COL19A1: variants seen among roughly 807,000 people sequenced by gnomAD.
COL19A1 encodes collagen type XIX alpha 1 chain, also known as collagen alpha-1(XIX) chain.
COL19A1 carries 159 observed loss-of-function variants against 190.2 expected under a neutral mutation model. That is an observed-to-expected ratio of 0.84 (90% confidence interval 0.73 to 0.95). COL19A1 has a LOEUF of 0.95. COL19A1 is among the 40% of genes least tolerant of loss of function. COL19A1 has a pLI of 0.00. For missense variants in COL19A1, 1,418 were observed against 1,431.9 expected (o/e 0.99, Z 0.16); for synonymous variants, 509 against 458.9 (o/e 1.11, Z -1.39).
chr6:70,023,099 T>C (rs991056110), intron 11 of COL19A1, among the ~76,000 whole-genome samples: 4 of 152,016 alleles, frequency 2.6e-5, no homozygotes, highest in African/African-American at 9.7e-5. Flanking sequence ...ATATTCTTGT[T>C]CCATTTTTAT....
intron 7 of COL19A1, 23 bp downstream of exon 7, chr6:69,932,886 T>C (rs1772872026): frequency 6.9e-7 from 1 of 1,448,686 alleles, no homozygotes. Context: ...TCTTTGCATA[T>C]GAAGAATGAA....
chr6:70,091,027 T>C (rs1224324118), intron 15 of COL19A1, among the ~76,000 whole-genome samples: 2 of 152,194 alleles, frequency 1.3e-5, no homozygotes, highest in Non-Finnish European at 2.9e-5. Context: ...CTGATTTTTC[T>C]ATCTAAAACA....
In COL19A1 at chr6:69,879,581, G is replaced by A; in HGVS notation, c.14G>A (p.Gly5Asp). The A allele has an allele frequency of 6.2e-7, 1 of 1,613,940 alleles. No individual in the cohort carries two copies. The change falls in exon 2 of 51, where the codon GGC (glycine) becomes GAC (aspartate). Residue 5 changes from glycine (G) to aspartate (D), a missense_variant. Gly to Asp is a moderately conservative substitution (Grantham distance 94). Transcript: ENST00000620364. ...TTTCAAGGCACAATGAGACTCACTGGCCCTTGGAAACTTTGGCTTTGGATG... is the reference window on the plus strand; with the variant it reads ...TTTCAAGGCACAATGAGACTCACTGACCCTTGGAAACTTTGGCTTTGGATG... Reference protein sequence around the residue: MRLTGPWKLWLWMSI... With the variant: MRLTDPWKLWLWMSI...
intron 4 of COL19A1, among the ~76,000 whole-genome samples, chr6:69,921,110 T>A (rs192013445): frequency 6.0e-4 from 72 of 119,106 alleles, no homozygotes; most frequent in African/African-American, 2.2e-3. Context: ...TATATTCATA[T>A]ACATATATAT....
chr6:70,017,592 G>T (rs1392085281), intron 11 of COL19A1, among the ~76,000 whole-genome samples: 2 of 152,102 alleles, frequency 1.3e-5, no homozygotes, highest in Non-Finnish European at 2.9e-5. Context: ...TAAAAGTAGA[G>T]AAAACATCTA....
At chr6:70,175,384 A>G (rs1016136534) in intron 41 of COL19A1, among the ~76,000 whole-genome samples, 2 of 152,104 alleles carry the variant, frequency 1.3e-5, no homozygotes, top group Non-Finnish European at 2.9e-5. Flanking sequence ...AACCAAAATC[A>G]GAATGTCACT....
intron 7 of COL19A1, among the ~76,000 whole-genome samples, chr6:69,934,196 A>G (rs930860511): frequency 2.0e-5 from 3 of 152,058 alleles, no homozygotes; most frequent in African/African-American, 7.2e-5. Context: ...TTTATAAAGC[A>G]TATCTCCAAT....
rs80132517 is a variant in COL19A1, at chr6:70,125,984, G to A, written c.1341+4042G>A. On this transcript the variant is annotated intron_variant, in intron 17 of 50. Coordinates refer to ENST00000620364, the MANE Select transcript of COL19A1 (RefSeq NM_001858.6). ...AGAAAAAAAAATACGTTTTATCTGC[G>A]GAGGCCAAGTGCTGGTGGATTTTAT... 7.7e-4 allele frequency among the ~76,000 whole-genome samples: 117 copies of A among 152,152 alleles called. 1 individual carries two copies. In the East Asian group the frequency reaches 0.02, roughly 27 times the overall value.
chr6:69,970,548 A>G (rs1006775616), intron 11 of COL19A1, among the ~76,000 whole-genome samples: 2 of 152,198 alleles, frequency 1.3e-5, no homozygotes, highest in African/African-American at 2.4e-5. Context: ...TTAGGATTTC[A>G]TGATTAAAGC....
At position 70,188,117 on chromosome 6, in the gene COL19A1, CG is replaced by C. The variant is rs1562256283; in HGVS notation, c.2903del (p.Gly968GlufsTer8). The C allele has an allele frequency of 1.2e-6, 2 of 1,613,512 alleles. No homozygotes were observed. Among genetic ancestry groups the C allele is most frequent in the East Asian group, 2.2e-5 (1 of 44,864 alleles). On this transcript the variant is annotated frameshift_variant, in exon 47 of 51. Coordinates refer to ENST00000620364, the MANE Select transcript of COL19A1 (RefSeq NM_001858.6). LOFTEE classifies it high-confidence loss of function. ...IPGDRGSQGERGKPGLTGMKG... is the reference protein window; with the variant it reads ...IPGDRGSQGEXGKPGLTGMKG... ...AGGAGACAGAGGCTCACAAGGTGAA[CG>C]GGGAAAACCAGGCCTTACAGGCATG... is the stretch of plus-strand genomic sequence containing the variant.
intron 15 of COL19A1, among the ~76,000 whole-genome samples, chr6:70,078,100 A>T (rs1004085881): frequency 6.6e-6 from 1 of 152,228 alleles, no homozygotes; most frequent in Non-Finnish European, 1.5e-5. Flanking sequence ...TCAAATAAAA[A>T]TCTCTACACT....
intron 4 of COL19A1, among the ~76,000 whole-genome samples, chr6:69,924,689 C>T (rs550143755): frequency 2.0e-5 from 3 of 152,272 alleles, no homozygotes; most frequent in Admixed American, 6.5e-5. Context: ...TGAACTAGTT[C>T]ACAGTCCCAC....
At chr6:70,089,273 C>T (rs1782765109) in intron 15 of COL19A1, among the ~76,000 whole-genome samples, 1 of 152,076 alleles carries the variant, frequency 6.6e-6, no homozygotes, top group South Asian at 2.1e-4. Flanking sequence ...GGTTTGTCAG[C>T]CATGATCCAA....
At chr6:69,937,992 C>A in intron 8 of COL19A1, 46 bp from the exon 9 acceptor site, 2 of 1,580,976 alleles carry the variant, frequency 1.3e-6, no homozygotes, top group Admixed American at 1.7e-5. Flanking sequence ...GGCTTTAGAT[C>A]AATGTGACAG....
intron 14 of COL19A1, among the ~76,000 whole-genome samples, chr6:70,050,679 C>G (rs559593566): frequency 6.6e-6 from 1 of 152,156 alleles, no homozygotes; most frequent in East Asian, 1.9e-4. Context: ...TTCCCTCTTT[C>G]CAGCTACCAA....
At chr6:69,989,875 G>A (rs2150073122) in intron 11 of COL19A1, among the ~76,000 whole-genome samples, 1 of 152,116 alleles carries the variant, frequency 6.6e-6, no homozygotes, top group South Asian at 2.1e-4. Flanking sequence ...CTATGATGAG[G>A]TAAATGAGTT....
At position 70,210,334 on chromosome 6, in the gene COL19A1, A is replaced by C. The variant is rs1170613802; in HGVS notation, c.*3060A>C. ...CCAAAGAAAAACAGAAGAATAATTC[A>C]TGGATTTGTTCATTGTTCTTTCCAA... On this transcript the variant is annotated 3_prime_UTR_variant, in exon 51 of 51. Transcript: ENST00000620364. Among the ~76,000 whole-genome samples, 1 of 152,164 alleles carries C rather than the reference A, an allele frequency of 6.6e-6. No individual in the cohort carries two copies. The highest frequency in any genetic ancestry group is 2.4e-5 in the African/African-American group (1 of 41,458).
intron 11 of COL19A1, among the ~76,000 whole-genome samples, chr6:69,996,331 A>G (rs1776903139): frequency 6.6e-6 from 1 of 152,170 alleles, no homozygotes; most frequent in South Asian, 2.1e-4. Context: ...AGGTCACTAG[A>G]TCACAATTAC....
chr6:69,911,960 G>A (rs911039991), intron 4 of COL19A1, among the ~76,000 whole-genome samples: 2 of 152,112 alleles, frequency 1.3e-5, no homozygotes, highest in East Asian at 3.8e-4. Flanking sequence ...ACATCCCTTA[G>A]CCCATTAAAA....
Sources: allele counts gnomAD v4.1 joint callset (sites outside exome capture counted in the v4.1 genomes callset), GRCh38; gene constraint gnomAD v4.1.1; transcripts MANE v1.5; gene names NCBI Gene and HGNC (gene_info 2026-07-23, HGNC 2026-07-21).